Variants in NPFFR1 observed in about 807,000 individuals in gnomAD.
NPFFR1 encodes G-protein coupled receptor 147.
A neutral mutation model predicts 12.7 loss-of-function variants in NPFFR1; 17 were observed. That is an observed-to-expected ratio of 1.34 (90% confidence interval 0.92 to 2.01). NPFFR1 has a LOEUF of 2.01. NPFFR1 is among the 30% of genes most tolerant of loss of function. The pLI is 0.00. For synonymous variants in NPFFR1, 296 were observed against 264.5 expected, an observed-to-expected ratio of 1.12 and a Z score of -1.16; for missense variants, 604 against 606.5, an observed-to-expected ratio of 1.00 and a Z score of 0.04.
At position 70,254,651 on chromosome 10, in the gene NPFFR1, C is replaced by T. The variant is rs184511003; in HGVS notation, c.*306G>A. ...TTGGGTGAGTCACATCTCTCCAGGC[C>T]TCAGTTTTTGCATCTGTAGAAGGAA... On this transcript the variant is annotated 3_prime_UTR_variant, in exon 4 of 4. Transcript: ENST00000277942. 8 of 323,882 alleles carry T rather than the reference C, an allele frequency of 2.5e-5. No homozygotes were observed. The highest frequency in any genetic ancestry group is 8.1e-4 in the Middle Eastern group (1 of 1,228). The allele number at this position is 323,882 out of a possible 1,614,324, so 20.1% of individuals were successfully genotyped here. A position where few individuals can be genotyped will look rare whatever the true frequency, so the allele number is the denominator to read the frequency against.
rs1380423501 is a variant in NPFFR1 at position 70,247,564 on chromosome 10, G to T, written c.*7393C>A. 4 of 152,230 alleles carry T rather than the reference G, an allele frequency of 2.6e-5. No individual in the cohort carries two copies. Among genetic ancestry groups the T allele is most frequent in the Admixed American group, 2.6e-4 (4 of 15,290 alleles). The allele number at this position is 152,230 out of a possible 1,614,324, so 9.4% of individuals were successfully genotyped here. A position where few individuals can be genotyped will look rare whatever the true frequency, so the allele number is the denominator to read the frequency against. On this transcript the variant is annotated 3_prime_UTR_variant, in exon 4 of 4. Transcript: ENST00000277942. ...GTCACTGAAACGGATTGACTTGGCT[G>T]TTCTAACTTCCACACCGAAAGGAAG...
At chr10:70,280,655 A>G (rs1031451538) in intron 1 of NPFFR1, among the ~76,000 whole-genome samples, 5 of 152,190 alleles carry the variant, frequency 3.3e-5, no homozygotes, top group Non-Finnish European at 7.3e-5. Flanking sequence ...CTAATGAACA[A>G]TACATTATTT....
intron 1 of NPFFR1, among the ~76,000 whole-genome samples, chr10:70,268,030 G>C (rs58867038): frequency 6.6e-6 from 1 of 152,320 alleles, no homozygotes; most frequent in East Asian, 1.9e-4. Flanking sequence ...ATGTAGAAGA[G>C]AGAATATTGT....
At chr10:70,267,847 A>T (rs1178109011) in intron 1 of NPFFR1, among the ~76,000 whole-genome samples, 5 of 152,140 alleles carry the variant, frequency 3.3e-5, no homozygotes, top group African/African-American at 1.2e-4. Flanking sequence ...GGCTGCAGGG[A>T]CCAGCAGGGG....
chr10:70,263,882 C>T (rs1017735266), intron 2 of NPFFR1, among the ~76,000 whole-genome samples: 1 of 152,014 alleles, frequency 6.6e-6, no homozygotes, highest in African/African-American at 2.4e-5. Flanking sequence ...GAGGCTGAGG[C>T]GGGCAGATGG....
chr10:70,258,100 G>T (rs184794335), intron 3 of NPFFR1, among the ~76,000 whole-genome samples: 291 of 152,232 alleles, frequency 1.9e-3, no homozygotes, highest in African/African-American at 6.7e-3. Flanking sequence ...GCAGAGCACC[G>T]GTCACCTGGG....
Position 70,260,660 on chromosome 10 carries a change from C to T in NPFFR1, c.402G>A (p.Leu134=), listed in dbSNP as rs1840622600. 1 of 1,610,688 alleles carries T rather than the reference C, an allele frequency of 6.2e-7. No individual in the cohort carries two copies. The highest frequency in any genetic ancestry group is 1.1e-5 in the South Asian group (1 of 90,324). ...GMSVSASVFT[L]VAIAVERFRC... ...CTCACCTTTCCACAGCAATGGCCAC[C>T]AGTGTGAAAACGGAAGCCGACACAG... The change falls in exon 3 of 4, where the codon CTG becomes CTA. Residue 134 remains leucine (L), a synonymous_variant. Coordinates refer to ENST00000277942, the MANE Select transcript of NPFFR1 (RefSeq NM_022146.5).
rs762109126 is a variant in NPFFR1 at position 70,255,796 on chromosome 10, T to A, written c.454A>T (p.Lys152Ter). The A allele has an allele frequency of 8.7e-6, 14 of 1,610,450 alleles. No individual in the cohort carries two copies. The highest frequency in any genetic ancestry group is 1.1e-5 in the Non-Finnish European group (13 of 1,178,654). Residue 152 changes from lysine to a stop codon, truncating the protein, a stop_gained, in exon 4 of 4, where the codon AAG (lysine) becomes TAG (stop). Coordinates refer to ENST00000277942, the MANE Select transcript of NPFFR1 (RefSeq NM_022146.5). LOFTEE classifies it low-confidence loss of function (END_TRUNC). This position sits in a 1 kb window ranked among gnomAD's most constrained non-coding sequence, Gnocchi z 4.2. Reference protein sequence around the residue: ...FRCIVHPFREKLTLRKALVTI... With the variant: ...FRCIVHPFRE ...ACGAGCGCCTTCCGCAGGGTCAGCT[T>A]CTCGCGGAAAGGGTGCACGATGCAG...
intron 1 of NPFFR1, chr10:70,278,104 G>C (rs1201639150): frequency 4.4e-6 from 2 of 458,784 alleles, no homozygotes; most frequent in Admixed American, 2.3e-5. Context: ...CTGAGTGATA[G>C]AAAGTTCTTC....
intron 3 of NPFFR1, among the ~76,000 whole-genome samples, chr10:70,257,031 C>A (rs989258411): frequency 6.6e-6 from 1 of 152,150 alleles, no homozygotes; most frequent in Non-Finnish European, 1.5e-5. Flanking sequence ...CTTTGGGAGG[C>A]CAAGGCAGGA....
chr10:70,269,214 C>T (rs1840725910), intron 1 of NPFFR1, among the ~76,000 whole-genome samples: 1 of 152,138 alleles, frequency 6.6e-6, no homozygotes, highest in Non-Finnish European at 1.5e-5. Flanking sequence ...GGTGCTGGCT[C>T]AATCAGGGGG....
chr10:70,267,408 C>T (rs1038996256), intron 1 of NPFFR1, among the ~76,000 whole-genome samples: 8 of 147,174 alleles, frequency 5.4e-5, no homozygotes, highest in African/African-American at 2.0e-4. Context: ...GTATTAGCCT[C>T]ATTTGTTTTC....
rs929896187 is a variant in NPFFR1 at position 70,254,529 on chromosome 10, C to T, written c.*428G>A. 3 of 164,734 alleles carry T rather than the reference C, an allele frequency of 1.8e-5. No homozygotes were observed. In the East Asian group the frequency reaches 5.2e-4, roughly 29 times the overall value. 10.2% of individuals were successfully genotyped at this position (164,734 alleles called of 1,614,324 possible). A position where few individuals can be genotyped will look rare whatever the true frequency, so the allele number is the denominator to read the frequency against. On this transcript the variant is annotated 3_prime_UTR_variant, in exon 4 of 4. Coordinates refer to ENST00000277942, the MANE Select transcript of NPFFR1 (RefSeq NM_022146.5). The stretch of plus-strand genomic sequence containing the variant: ...TAGGACTTACTCAGTTCACAGTGTT[C>T]TACCTTACCGGGCCCTCTTGGAGCC...
chr10:70,267,866 G>A (rs77156132), intron 1 of NPFFR1, among the ~76,000 whole-genome samples: 4,172 of 152,292 alleles, frequency 0.027, 85 homozygotes, highest in Non-Finnish European at 0.043. Flanking sequence ...GGGCACTGCG[G>A]TGAGTGTTGG....
intron 1 of NPFFR1, among the ~76,000 whole-genome samples, chr10:70,277,278 G>T (rs575395367): frequency 1.3e-5 from 2 of 152,194 alleles, no homozygotes; most frequent in African/African-American, 4.8e-5. Context: ...CAGCCCCACA[G>T]TGTCCCCAGA....
At chr10:70,257,825 A>G (rs1163652424) in intron 3 of NPFFR1, among the ~76,000 whole-genome samples, 1 of 152,258 alleles carries the variant, frequency 6.6e-6, no homozygotes, top group Non-Finnish European at 1.5e-5. Flanking sequence ...ACATGTTTGC[A>G]GCAGTGCTGC....
chr10:70,279,065 G>C lies in NPFFR1; in HGVS notation c.7+4605C>G, dbSNP rs184991967. 2.7e-3 allele frequency among the ~76,000 whole-genome samples: 405 copies of C among 152,316 alleles called. 4 individuals carry two copies. The highest frequency in any genetic ancestry group is 9.3e-3 in the African/African-American group (387 of 41,566). Reference sequence around the variant, plus strand: ...AAGGTGGAGTAATTAAATCAAGCCAGTTAACATATCCATCAAATACTTAAC... The same window carrying C: ...AAGGTGGAGTAATTAAATCAAGCCACTTAACATATCCATCAAATACTTAAC... On this transcript the variant is annotated intron_variant, in intron 1 of 3. Coordinates refer to ENST00000277942, the MANE Select transcript of NPFFR1 (RefSeq NM_022146.5).
intron 2 of NPFFR1, 101 bp from the exon 3 acceptor site, chr10:70,260,840 C>T: frequency 2.1e-6 from 2 of 942,124 alleles, no homozygotes; most frequent in Non-Finnish European, 3.3e-6. Context: ...TTGGATCTTT[C>T]CTCCATGACC....
chr10:70,261,100 C>A (rs1448436220), intron 2 of NPFFR1, among the ~76,000 whole-genome samples: 1 of 152,098 alleles, frequency 6.6e-6, no homozygotes, highest in Non-Finnish European at 1.5e-5. Context: ...CCACCCAAAT[C>A]TCATCTTGAA....
Sources: gnomAD v4.1 joint callset for allele counts (sites outside exome capture counted in the v4.1 genomes callset) on GRCh38, gnomAD v4.1.1 for gene constraint, Gnocchi (gnomAD v3.1) non-coding constraint, MANE v1.5 for transcripts, NCBI Gene and HGNC (gene_info 2026-07-23, HGNC 2026-07-21) for gene names.